Variants in CDH18 observed in about 807,000 individuals in gnomAD.
The protein encoded by CDH18 is cadherin-18.
Under a neutral mutation model 67.9 loss-of-function variants are expected in CDH18, and 31 were observed. That is an observed-to-expected ratio of 0.46 (90% CI 0.34 to 0.62). The LOEUF (loss-of-function observed/expected upper bound fraction) is 0.62, where lower values mean the gene tolerates loss of function less well. CDH18 is among the 20% of genes least tolerant of loss of function. The probability of loss-of-function intolerance (pLI) is 0.01; values close to 1 mark genes in which losing one functional copy is unlikely to be tolerated. For missense variants in CDH18, 890 were observed against 975.5 expected (o/e 0.91, Z 1.17); for synonymous variants, 362 against 347.2 (o/e 1.04, Z -0.48).
In CDH18 at chr5:19,562,928, A is replaced by G. The variant is rs192094220; in HGVS notation, c.1253+8651T>C. Reference sequence around the variant, plus strand: ...CTCCAACTTTTTTTATACTAAATCAAGTAATGTACATCTTTAACTACAATA... The same window carrying G: ...CTCCAACTTTTTTTATACTAAATCAGGTAATGTACATCTTTAACTACAATA... On this transcript the variant is annotated intron_variant, in intron 8 of 12. Transcript: ENST00000382275. 3.4e-4 allele frequency among the ~76,000 whole-genome samples: 52 copies of G among 152,250 alleles called. No individual in the cohort carries two copies. In the East Asian group the frequency reaches 9.9e-3, roughly 29 times the overall value.
At chr5:19,569,571 CTA>C (rs1741009422) in intron 8 of CDH18, among the ~76,000 whole-genome samples, 1 of 151,916 alleles carries the variant, frequency 6.6e-6, no homozygotes, top group African/African-American at 2.4e-5. Flanking sequence ...GTATGTGTGT[CTA>C]TGTGTGTGTG....
chr5:19,682,512 G>T (rs1760475762), intron 5 of CDH18, among the ~76,000 whole-genome samples: 1 of 151,992 alleles, frequency 6.6e-6, no homozygotes, highest in Non-Finnish European at 1.5e-5. Context: ...CTGAGTCACA[G>T]AGTGGGCTGA....
At chr5:20,403,804 C>G (rs1032604440) in intron 1 of CDH18, among the ~76,000 whole-genome samples, 2 of 152,134 alleles carry the variant, frequency 1.3e-5, no homozygotes, top group African/African-American at 4.8e-5. Flanking sequence ...TGCATTAGCT[C>G]CTAAAGTGAG....
chr5:19,586,836 G>T (rs145456001), intron 7 of CDH18, among the ~76,000 whole-genome samples: 27 of 152,260 alleles, frequency 1.8e-4, no homozygotes, highest in Middle Eastern at 3.4e-3. Context: ...CAGTGTAAAA[G>T]TGTTCCTTTT....
At chr5:20,164,292 T>G (rs1736119901) in intron 2 of CDH18, among the ~76,000 whole-genome samples, 1 of 152,180 alleles carries the variant, frequency 6.6e-6, no homozygotes, top group Admixed American at 6.6e-5. Context: ...TTGTTTGTTT[T>G]TTGTATTTTT....
chr5:19,873,540 C>T (rs1786568156), intron 2 of CDH18, among the ~76,000 whole-genome samples: 1 of 152,048 alleles, frequency 6.6e-6, no homozygotes, highest in Non-Finnish European at 1.5e-5. Flanking sequence ...TATACATTCC[C>T]TAGTAGTTGA....
At chr5:19,588,912 C>T (rs1484307965) in intron 7 of CDH18, among the ~76,000 whole-genome samples, 1 of 152,010 alleles carries the variant, frequency 6.6e-6, no homozygotes, top group African/African-American at 2.4e-5. Flanking sequence ...CTCTTAGAAA[C>T]CTTCAAAGAG....
chr5:19,599,746 C>CA (rs1746764976), intron 6 of CDH18, among the ~76,000 whole-genome samples: 1 of 151,944 alleles, frequency 6.6e-6, no homozygotes, highest in South Asian at 2.1e-4. Flanking sequence ...ACTAAAAATA[C>CA]AAAAAATTAG....
intron 5 of CDH18, among the ~76,000 whole-genome samples, chr5:19,629,759 C>A (rs1446111445): frequency 6.6e-6 from 1 of 151,872 alleles, no homozygotes; most frequent in African/African-American, 2.4e-5. Context: ...TCAGATAGCA[C>A]AATAAGAGGT....
At chr5:19,771,122 T>C (rs1414123985) in intron 3 of CDH18, among the ~76,000 whole-genome samples, 2 of 152,140 alleles carry the variant, frequency 1.3e-5, no homozygotes, top group Non-Finnish European at 2.9e-5. Flanking sequence ...ATCACTGAGG[T>C]GTCAGAGGGC....
chr5:19,685,957 A>G (rs569877395), intron 5 of CDH18, among the ~76,000 whole-genome samples: 2 of 152,246 alleles, frequency 1.3e-5, no homozygotes, highest in South Asian at 4.1e-4. Flanking sequence ...TGCAAAGGAG[A>G]ATGGGAAATT....
At chr5:19,587,484 G>C (rs1229594248) in intron 7 of CDH18, among the ~76,000 whole-genome samples, 2 of 152,084 alleles carry the variant, frequency 1.3e-5, no homozygotes, top group African/African-American at 4.8e-5. Context: ...ATAAGGAAGG[G>C]TGTCAGTTTC....
intron 6 of CDH18, among the ~76,000 whole-genome samples, chr5:19,605,543 T>C (rs1396577569): frequency 1.3e-5 from 2 of 152,058 alleles, no homozygotes; most frequent in South Asian, 2.1e-4. Context: ...ATAATCTTTC[T>C]ATTTAAACTT....
chr5:19,471,748 T>C lies in CDH18; in HGVS notation c.*1478A>G, dbSNP rs1473968692. 6.6e-6 allele frequency among the ~76,000 whole-genome samples: 1 copy of C among 152,130 alleles called. No individual in the cohort carries two copies. Among genetic ancestry groups the C allele is most frequent in the Non-Finnish European group, 1.5e-5 (1 of 68,016 alleles). On this transcript the variant is annotated 3_prime_UTR_variant, in exon 13 of 13. Transcript: ENST00000382275. ...GAAAATATTAAAATAATTGGAATTG[T>C]GTACATATATTTAAACAGTAGCTTC... is the stretch of plus-strand genomic sequence containing the variant.
intron 2 of CDH18, among the ~76,000 whole-genome samples, chr5:20,240,144 C>T (rs1447025247): frequency 2.0e-5 from 3 of 151,598 alleles, no homozygotes; most frequent in African/African-American, 7.3e-5. Context: ...CACATGTACC[C>T]TAGAACTTAA....
chr5:20,382,789 G>A (rs546047160), intron 1 of CDH18, among the ~76,000 whole-genome samples: 4 of 152,218 alleles, frequency 2.6e-5, no homozygotes, highest in Non-Finnish European at 4.4e-5. Flanking sequence ...CCAGTTATGT[G>A]TGCATAACTA....
intron 2 of CDH18, among the ~76,000 whole-genome samples, chr5:19,907,514 T>C (rs868039361): frequency 6.6e-6 from 1 of 151,938 alleles, no homozygotes; most frequent in Non-Finnish European, 1.5e-5. Flanking sequence ...ATCACATGAG[T>C]CCAGGTGTGG....
At chr5:19,662,974 T>C (rs920719421) in intron 5 of CDH18, among the ~76,000 whole-genome samples, 1 of 151,982 alleles carries the variant, frequency 6.6e-6, no homozygotes, top group African/African-American at 2.4e-5. Flanking sequence ...AGAATAAATA[T>C]GCCCGCTTAA....
chr5:19,512,862 T>C (rs1170636840), intron 10 of CDH18, among the ~76,000 whole-genome samples: 1 of 152,054 alleles, frequency 6.6e-6, no homozygotes, highest in Non-Finnish European at 1.5e-5. Flanking sequence ...AGAATAGCTA[T>C]AATTCCACTT....
Sources: allele counts gnomAD v4.1 joint callset (sites outside exome capture counted in the v4.1 genomes callset), GRCh38; gene constraint gnomAD v4.1.1; transcripts MANE v1.5; gene names NCBI Gene and HGNC (gene_info 2026-07-23, HGNC 2026-07-21).